The following TULP4 variants were observed in gnomAD, a reference collection of about 807,000 sequenced individuals.
TULP4 encodes tubby-related protein 4.
In TULP4, 16 loss-of-function variants were observed where a neutral mutation model predicts 129.0. That is an observed-to-expected ratio of 0.12 (90% CI 0.08 to 0.19). The LOEUF (loss-of-function observed/expected upper bound fraction) is 0.19, where lower values mean the gene tolerates loss of function less well. Among genes scored for constraint, TULP4 ranks in the 10% least tolerant of loss-of-function variants. The probability of loss-of-function intolerance (pLI) is 1.00; values close to 1 mark genes in which losing one functional copy is unlikely to be tolerated. For missense variants in TULP4, 1,842 were observed against 2,059.1 expected (o/e 0.89, Z 2.04); for synonymous variants, 998 against 854.0 (o/e 1.17, Z -2.94).
chr6:158,379,413 G>C (rs1311841384), intron 1 of TULP4, among the ~76,000 whole-genome samples: 3 of 152,206 alleles, frequency 2.0e-5, no homozygotes, highest in African/African-American at 4.8e-5. Flanking sequence ...GTTATTAGGG[G>C]ACTTATGGAC....
At chr6:158,438,288 G>C (rs184492379) in intron 3 of TULP4, among the ~76,000 whole-genome samples, 292 of 152,156 alleles carry the variant, frequency 1.9e-3, no homozygotes, top group African/African-American at 6.8e-3. Flanking sequence ...ACATACTTTA[G>C]TGTAAATCTC....
chr6:158,243,370 C>G (rs1188249525), intron 1 of TULP4, among the ~76,000 whole-genome samples: 1 of 151,900 alleles, frequency 6.6e-6, no homozygotes, highest in African/African-American at 2.4e-5. Context: ...CCAATCAATA[C>G]TCCTTGACTG....
At position 158,503,466 on chromosome 6, in the gene TULP4, C is replaced by T. The variant is rs1332629880; in HGVS notation, c.3803C>T (p.Ala1268Val). 1 of 1,613,898 alleles carries T rather than the reference C, an allele frequency of 6.2e-7. No homozygotes were observed. The highest frequency in any genetic ancestry group is 2.2e-5 in the East Asian group (1 of 44,878). ...VALHPWSSYS[A>V]CPPMQNPQGT... ...TTGCATCCATGGAGTTCCTACAGCG[C>T]CTGCCCGCCCATGCAGAACCCCCAG... The change falls in exon 13 of 14, where the codon GCC becomes GTC. Residue 1268 changes from alanine to valine, a missense_variant. Ala to Val is a moderately conservative substitution (Grantham distance 64, BLOSUM62 0). Coordinates refer to ENST00000367097, the MANE Select transcript of TULP4 (RefSeq NM_020245.5). This position sits in a 1 kb window ranked among gnomAD's most constrained non-coding sequence, Gnocchi z 4.3.
chr6:158,486,217 G>A (rs1004744235), intron 8 of TULP4, among the ~76,000 whole-genome samples: 5 of 152,096 alleles, frequency 3.3e-5, no homozygotes, highest in Non-Finnish European at 5.9e-5. Context: ...ACTTACAGGG[G>A]GGAGTTAAAA....
intron 1 of TULP4, among the ~76,000 whole-genome samples, chr6:158,243,685 T>C (rs1020766316): frequency 2.6e-5 from 4 of 152,178 alleles, no homozygotes; most frequent in Non-Finnish European, 4.4e-5. Context: ...ATCAAAAGAA[T>C]CCAATTTTAT....
intron 1 of TULP4, among the ~76,000 whole-genome samples, chr6:158,351,232 A>G (rs773462521): frequency 6.6e-6 from 1 of 152,224 alleles, no homozygotes; most frequent in Non-Finnish European, 1.5e-5. Context: ...GATGTTAGGT[A>G]TGAATGCTTG....
At chr6:158,482,478 T>G (rs1779970440) in intron 8 of TULP4, among the ~76,000 whole-genome samples, 1 of 152,128 alleles carries the variant, frequency 6.6e-6, no homozygotes, top group Admixed American at 6.5e-5. Flanking sequence ...AGAAAGCAAC[T>G]AGCAGAATTG....
intron 1 of TULP4, among the ~76,000 whole-genome samples, chr6:158,307,187 GCTTA>G (rs1330948741): frequency 6.6e-6 from 1 of 152,040 alleles, no homozygotes; most frequent in Non-Finnish European, 1.5e-5. Context: ...CTAATGTCTG[GCTTA>G]CTTAAAGATG....
At chr6:158,339,636 A>G (rs888565996) in intron 1 of TULP4, among the ~76,000 whole-genome samples, 4 of 152,224 alleles carry the variant, frequency 2.6e-5, no homozygotes, top group Non-Finnish European at 5.9e-5. Flanking sequence ...GAAAGAATTC[A>G]GCAATATTTC....
At chr6:158,356,171 G>C (rs1392346525) in intron 1 of TULP4, among the ~76,000 whole-genome samples, 1 of 152,214 alleles carries the variant, frequency 6.6e-6, no homozygotes, top group Non-Finnish European at 1.5e-5. Flanking sequence ...GTAAACATTT[G>C]TGAGTTAGTG....
At chr6:158,272,119 C>T (rs531264856) in intron 1 of TULP4, among the ~76,000 whole-genome samples, 23 of 152,076 alleles carry the variant, frequency 1.5e-4, no homozygotes, top group Non-Finnish European at 2.8e-4. Flanking sequence ...CTACTGTCCT[C>T]GGGGAGGTGA....
chr6:158,260,675 G>A (rs1329094139), intron 1 of TULP4, among the ~76,000 whole-genome samples: 2 of 151,952 alleles, frequency 1.3e-5, no homozygotes, highest in African/African-American at 4.8e-5. Flanking sequence ...GGGAGAAGAG[G>A]GATTTAGATA....
At position 158,503,909 on chromosome 6, in the gene TULP4, G is replaced by T; in HGVS notation, c.4246G>T (p.Gly1416Trp). 1 of 1,614,072 alleles carries T rather than the reference G, an allele frequency of 6.2e-7. No individual in the cohort carries two copies. Among genetic ancestry groups the T allele is most frequent in the Non-Finnish European group, 8.5e-7 (1 of 1,180,034 alleles). ...SESEPELFIS[G>W]DELMNQSQGS... ...GAGCGAGCCTGAGCTGTTCATCAGC[G>T]GGGATGAGCTCATGAACCAGAGCCA... Residue 1416 changes from glycine (G) to tryptophan (W), a missense_variant, in exon 13 of 14, where the codon GGG (glycine) becomes TGG (tryptophan). Gly to Trp is a radical substitution (Grantham distance 184). Around this residue, in one of 5 missense-constraint regions of TULP4, gnomAD observed 1,089 missense variants for 987.1 expected, o/e 1.10. Transcript: ENST00000367097. This position sits in a 1 kb window ranked among gnomAD's most constrained non-coding sequence, Gnocchi z 4.3.
chr6:158,389,669 G>A (rs190443719), intron 1 of TULP4, among the ~76,000 whole-genome samples: 5 of 152,262 alleles, frequency 3.3e-5, no homozygotes, highest in Admixed American at 6.5e-5. Flanking sequence ...TATGAATCAT[G>A]TGGTGTGCCT....
intron 1 of TULP4, among the ~76,000 whole-genome samples, chr6:158,360,758 G>C (rs1442548524): frequency 6.6e-6 from 1 of 152,194 alleles, no homozygotes; most frequent in African/African-American, 2.4e-5. Flanking sequence ...GAAGCCCTGA[G>C]CAAGTGAAAC....
At chr6:158,380,711 C>T (rs1002380236) in intron 1 of TULP4, among the ~76,000 whole-genome samples, 2 of 151,200 alleles carry the variant, frequency 1.3e-5, no homozygotes, top group African/African-American at 2.4e-5. Context: ...CTGGCCAACA[C>T]GGTGAAACCC....
chr6:158,279,815 A>T (rs1298678647), upstream of TULP4, among the ~76,000 whole-genome samples: 1 of 152,234 alleles, frequency 6.6e-6, no homozygotes, highest in Non-Finnish European at 1.5e-5. Flanking sequence ...TTCTCAAAAC[A>T]GCAGACAGCT....
intron 1 of TULP4, among the ~76,000 whole-genome samples, chr6:158,373,246 G>GC (rs1022699063): frequency 2.6e-5 from 4 of 152,186 alleles, no homozygotes; most frequent in African/African-American, 9.7e-5. Context: ...CACTTTACCT[G>GC]CATTAACCTG....
chr6:158,391,243 A>G (rs1373839658), intron 1 of TULP4, among the ~76,000 whole-genome samples: 3 of 152,230 alleles, frequency 2.0e-5, no homozygotes, highest in South Asian at 4.1e-4. Flanking sequence ...AAAATTTCAA[A>G]TAAAAGCCAT....
Sources: gnomAD v4.1 joint callset for allele counts (sites outside exome capture counted in the v4.1 genomes callset) on GRCh38, gnomAD v4.1.1 for gene constraint, gnomAD v4.1.1 regional missense constraint, Gnocchi (gnomAD v3.1) non-coding constraint, MANE v1.5 for transcripts, NCBI Gene and HGNC (gene_info 2026-07-23, HGNC 2026-07-21) for gene names.